PCSK5: variants seen among roughly 807,000 people sequenced by gnomAD.
The protein encoded by PCSK5 is prohormone convertase 5.
A neutral mutation model predicts 233.2 loss-of-function variants in PCSK5; 129 were observed. The ratio of observed to expected loss-of-function variants is 0.55; its 90% CI spans 0.48 to 0.64. PCSK5 has a LOEUF of 0.64. Ranked by LOEUF, PCSK5 falls within the 30% of genes least tolerant of loss-of-function variation. The pLI is 0.00. For synonymous variants in PCSK5, 825 were observed against 879.2 expected (o/e 0.94, Z 1.09); for missense variants, 2,076 against 2,430.1 (o/e 0.85, Z 3.06).
intron 5 of PCSK5, among the ~76,000 whole-genome samples, chr9:76,056,494 G>C (rs926790053): frequency 3.3e-5 from 5 of 152,198 alleles, no homozygotes; most frequent in Admixed American, 6.5e-5. Flanking sequence ...CACCTAATTT[G>C]TATGTGTTCA....
intron 3 of PCSK5, among the ~76,000 whole-genome samples, chr9:75,991,645 A>G (rs1308262192): frequency 6.6e-6 from 1 of 152,126 alleles, no homozygotes; most frequent in Non-Finnish European, 1.5e-5. Context: ...GAGACAGAGG[A>G]TATCTGATAG....
intron 7 of PCSK5, among the ~76,000 whole-genome samples, chr9:76,074,815 A>T (rs1303975594): frequency 6.6e-6 from 1 of 152,198 alleles, no homozygotes; most frequent in Non-Finnish European, 1.5e-5. Flanking sequence ...ATGTCCTCCT[A>T]TAAAACTATT....
intron 24 of PCSK5, among the ~76,000 whole-genome samples, chr9:76,284,864 A>C (rs10125114): frequency 6.6e-6 from 1 of 152,012 alleles, no homozygotes; most frequent in African/African-American, 2.4e-5. Context: ...ACCCAGTCTC[A>C]GGTATTTCTT....
At chr9:75,947,266 G>A (rs1361406748) in intron 2 of PCSK5, among the ~76,000 whole-genome samples, 2 of 152,142 alleles carry the variant, frequency 1.3e-5, no homozygotes, top group African/African-American at 4.8e-5. Context: ...GACAACAACA[G>A]TAGAACAAAT....
At position 75,944,770 on chromosome 9, in the gene PCSK5, C is replaced by T. The variant is rs149379210; in HGVS notation, c.297+12287C>T. 3.4e-3 allele frequency among the ~76,000 whole-genome samples: 522 copies of T among 152,132 alleles called. 1 individual carries two copies. The highest frequency in any genetic ancestry group is 0.012 in the African/African-American group (508 of 41,480). ...CAAATTTCTATCACCGTTTACCTTC[C>T]GGACATCCCCAACTAGATGTTTAAT... On this transcript the variant is annotated intron_variant, in intron 2 of 37. Transcript: ENST00000674117.
intron 35 of PCSK5, among the ~76,000 whole-genome samples, chr9:76,349,732 A>G (rs1830070204): frequency 6.6e-6 from 1 of 152,230 alleles, no homozygotes; most frequent in Non-Finnish European, 1.5e-5. Flanking sequence ...CATTAATCTT[A>G]TGCTCCCATT....
At chr9:75,908,875 T>TTATCTATCTATCTATC (rs58985562) in intron 1 of PCSK5, among the ~76,000 whole-genome samples, 1,853 of 115,952 alleles carry the variant, frequency 0.016, 37 homozygotes, top group East Asian at 0.048. Context: ...CTCTTTCTAT[T>TTATCTATCTATCTATC]TATCTATCTA....
At chr9:76,184,166 G>A (rs1426688253) in intron 16 of PCSK5, among the ~76,000 whole-genome samples, 1 of 152,114 alleles carries the variant, frequency 6.6e-6, no homozygotes, top group African/African-American at 2.4e-5. Flanking sequence ...TTAGAAATAA[G>A]CAATCCTTAC....
chr9:76,069,767 T>A (rs1355150982), intron 6 of PCSK5, among the ~76,000 whole-genome samples: 1 of 152,182 alleles, frequency 6.6e-6, no homozygotes, highest in Non-Finnish European at 1.5e-5. Flanking sequence ...TTGGGGCAAT[T>A]ACTGTGTTTG....
intron 9 of PCSK5, among the ~76,000 whole-genome samples, chr9:76,124,650 G>A (rs1055410630): frequency 6.6e-6 from 1 of 150,836 alleles, no homozygotes; most frequent in Non-Finnish European, 1.5e-5. Flanking sequence ...GGAGGCTGAG[G>A]CAGGGGAATC....
chr9:76,078,414 T>G (rs917919821), intron 7 of PCSK5, among the ~76,000 whole-genome samples: 7 of 152,216 alleles, frequency 4.6e-5, no homozygotes, highest in African/African-American at 1.7e-4. Context: ...CTTGAGGTCT[T>G]ACATTTAAAT....
rs190737748 is a variant in PCSK5, at chr9:76,333,408, T to G, written c.4748+798T>G. ...CAAAGGAAATAGTTCCATTAACATC[T>G]CCATTTATTCCCCATTAATTCCCCA... On this transcript the variant is annotated intron_variant, in intron 34 of 37. Transcript: ENST00000674117. Among the ~76,000 whole-genome samples, 696 of 152,314 alleles carry G rather than the reference T, an allele frequency of 4.6e-3. 10 individuals are homozygous for G. The highest frequency in any genetic ancestry group is 3.7e-3 in the Non-Finnish European group (251 of 68,034).
intron 16 of PCSK5, among the ~76,000 whole-genome samples, chr9:76,182,315 AT>A (rs1823908822): frequency 6.7e-6 from 1 of 148,164 alleles, no homozygotes; most frequent in African/African-American, 2.7e-5. Flanking sequence ...TTCAAAAAAT[AT>A]GACTGTCTTT....
intron 5 of PCSK5, among the ~76,000 whole-genome samples, chr9:76,056,125 G>T (rs908236655): frequency 6.6e-6 from 1 of 152,176 alleles, no homozygotes; most frequent in Non-Finnish European, 1.5e-5. Flanking sequence ...GACAGAATCC[G>T]TGAACACCTG....
intron 3 of PCSK5, among the ~76,000 whole-genome samples, chr9:76,007,812 G>A (rs1257364315): frequency 6.7e-6 from 1 of 150,158 alleles, no homozygotes; most frequent in East Asian, 2.0e-4. Flanking sequence ...GTGTGTGTGT[G>A]TGTGTGTGTG....
intron 3 of PCSK5, among the ~76,000 whole-genome samples, chr9:76,002,374 G>C (rs953578900): frequency 6.6e-6 from 1 of 152,144 alleles, no homozygotes; most frequent in Non-Finnish European, 1.5e-5. Context: ...AAAATTATGT[G>C]ATACAGGAGA....
At chr9:76,154,623 T>C (rs1165384289) in intron 10 of PCSK5, among the ~76,000 whole-genome samples, 2 of 152,236 alleles carry the variant, frequency 1.3e-5, no homozygotes, top group Middle Eastern at 3.4e-3. Flanking sequence ...TGAAATAAAA[T>C]GATGAGTTGT....
chr9:76,341,059 A>G (rs544276897), intron 35 of PCSK5, among the ~76,000 whole-genome samples: 5 of 151,374 alleles, frequency 3.3e-5, no homozygotes, highest in Admixed American at 2.6e-4. Flanking sequence ...TACAGAAAAA[A>G]AAAAAAAATA....
chr9:76,245,762 A>G (rs951030951), intron 24 of PCSK5, among the ~76,000 whole-genome samples: 1 of 152,224 alleles, frequency 6.6e-6, no homozygotes, highest in Non-Finnish European at 1.5e-5. Flanking sequence ...TTCTAAAAAC[A>G]GAAGTGGGAG....
Sources: gnomAD v4.1 joint callset for allele counts (sites outside exome capture counted in the v4.1 genomes callset) on GRCh38, gnomAD v4.1.1 for gene constraint, MANE v1.5 for transcripts, NCBI Gene and HGNC (gene_info 2026-07-23, HGNC 2026-07-21) for gene names.